WASF3: variants seen among roughly 807,000 people sequenced by gnomAD.
WASF3 encodes WASP family member 3.
In WASF3, 11 loss-of-function variants were observed where a neutral mutation model predicts 46.6. The observed-to-expected ratio is 0.24, with a 90% CI of 0.15 to 0.39. The LOEUF (loss-of-function observed/expected upper bound fraction) is 0.39, where lower values mean the gene tolerates loss of function less well. Ranked by LOEUF, WASF3 falls within the 10% of genes least tolerant of loss-of-function variation. The pLI is 1.00. For synonymous variants in WASF3, 242 were observed against 259.7 expected (o/e 0.93, Z 0.65); for missense variants, 576 against 669.8 (o/e 0.86, Z 1.55).
chr13:26,632,998 C>G (rs1469334372), intron 2 of WASF3, among the ~76,000 whole-genome samples: 2 of 151,908 alleles, frequency 1.3e-5, no homozygotes, highest in Non-Finnish European at 2.9e-5. Context: ...AGTTTGTATT[C>G]CTGTGGGATT....
At chr13:26,637,381 G>A (rs901141757) in intron 2 of WASF3, among the ~76,000 whole-genome samples, 1 of 152,072 alleles carries the variant, frequency 6.6e-6, no homozygotes, top group African/African-American at 2.4e-5. Flanking sequence ...TTCTCTCTTA[G>A]GGCCCAGACC....
intron 3 of WASF3, among the ~76,000 whole-genome samples, chr13:26,659,160 C>T (rs1882551128): frequency 6.6e-6 from 1 of 152,180 alleles, no homozygotes; most frequent in South Asian, 2.1e-4. Flanking sequence ...GGCATTTAGC[C>T]AGGGCTGCTA....
chr13:26,641,964 T>C (rs1291986814), intron 2 of WASF3: 2 of 168,830 alleles, frequency 1.2e-5, no homozygotes, highest in Non-Finnish European at 2.5e-5. Context: ...TCTCTTGCTC[T>C]TGATACATGT....
chr13:26,594,596 C>T (rs1224886582), intron 1 of WASF3, among the ~76,000 whole-genome samples: 2 of 152,254 alleles, frequency 1.3e-5, no homozygotes, highest in African/African-American at 4.8e-5. Flanking sequence ...TCACTTTCCC[C>T]GTGTACATCA....
intron 1 of WASF3, among the ~76,000 whole-genome samples, chr13:26,566,119 A>G (rs1350757983): frequency 1.3e-5 from 2 of 152,248 alleles, no homozygotes; most frequent in East Asian, 3.8e-4. Flanking sequence ...GATGATTGTC[A>G]AATTTCATTT....
At chr13:26,554,030 TTTC>T (rs1566032298), upstream of WASF3, among the ~76,000 whole-genome samples, 2 of 73,256 alleles carry the variant, frequency 2.7e-5, no homozygotes, top group African/African-American at 1.2e-4. Context: ...TCCTTCCTTC[TTTC>T]TCTTTCTTTC....
At chr13:26,635,739 G>T (rs1202187357) in intron 2 of WASF3, among the ~76,000 whole-genome samples, 1 of 152,192 alleles carries the variant, frequency 6.6e-6, no homozygotes, top group Admixed American at 6.5e-5. Context: ...CCTTTTAACA[G>T]TCAGGTCCCT....
intron 1 of WASF3, among the ~76,000 whole-genome samples, chr13:26,611,140 G>C (rs1880966337): frequency 6.7e-6 from 1 of 150,254 alleles, no homozygotes; most frequent in Non-Finnish European, 1.5e-5. Flanking sequence ...AGAGTGCTGA[G>C]ATTACAGGTG....
At chr13:26,578,798 T>C (rs1310720547) in intron 1 of WASF3, among the ~76,000 whole-genome samples, 2 of 152,020 alleles carry the variant, frequency 1.3e-5, no homozygotes, top group Non-Finnish European at 2.9e-5. Context: ...GTGTCTCCAT[T>C]GAGACACACA....
chr13:26,666,926 C>T (rs990420329), intron 4 of WASF3, among the ~76,000 whole-genome samples: 5 of 140,960 alleles, frequency 3.5e-5, no homozygotes, highest in South Asian at 4.7e-4. Context: ...AAGTGCTGTA[C>T]AAGCACAAGA....
chr13:26,611,248 TG>T (rs780243245), intron 1 of WASF3, among the ~76,000 whole-genome samples: 13 of 152,150 alleles, frequency 8.5e-5, no homozygotes, highest in Non-Finnish European at 5.9e-5. Context: ...ACTCACTTTT[TG>T]ATCCTAATTT....
chr13:26,607,925 C>T (rs770087279), intron 1 of WASF3, among the ~76,000 whole-genome samples: 7 of 152,254 alleles, frequency 4.6e-5, no homozygotes, highest in South Asian at 4.1e-4. Flanking sequence ...CATGAGCCAC[C>T]GTACCCAGCT....
upstream of WASF3, among the ~76,000 whole-genome samples, chr13:26,555,022 T>C (rs1390918163): frequency 1.3e-5 from 2 of 152,220 alleles, no homozygotes; most frequent in African/African-American, 4.8e-5. Flanking sequence ...ATTCCTGTTG[T>C]TTTGTATCCT....
intron 1 of WASF3, among the ~76,000 whole-genome samples, chr13:26,611,524 G>T (rs1277840483): frequency 6.6e-6 from 1 of 152,134 alleles, no homozygotes; most frequent in East Asian, 1.9e-4. Flanking sequence ...GGCATAGTTA[G>T]CTGGATATAA....
chr13:26,682,698 TTCG>T lies in WASF3; in HGVS notation c.1078_1080del (p.Val360del). On this transcript the variant is annotated inframe_deletion, in exon 9 of 10. Transcript: ENST00000335327. This position sits in a 1 kb window ranked among gnomAD's most constrained non-coding sequence, Gnocchi z 4.4. Reference sequence around the variant, plus strand: ...TGTGATTCCCTCAGCACAAACTGCCTTCGTCAGCCCTCTCCAGATGCCCATGCA... The same window carrying T: ...TGTGATTCCCTCAGCACAAACTGCCTTCAGCCCTCTCCAGATGCCCATGCA... 1 of 1,614,122 alleles carries T rather than the reference TTCG, an allele frequency of 6.2e-7. No individual in the cohort carries two copies. Among genetic ancestry groups the T allele is most frequent in the Non-Finnish European group, 8.5e-7 (1 of 1,180,034 alleles).
chr13:26,680,577 AT>A (rs1883196794), intron 7 of WASF3, among the ~76,000 whole-genome samples: 1 of 152,168 alleles, frequency 6.6e-6, no homozygotes, highest in Non-Finnish European at 1.5e-5. Flanking sequence ...GAAAAATATG[AT>A]TCACTCTACT....
chr13:26,544,843 C>A, the WASF3 span, among the ~76,000 whole-genome samples: 1 of 152,246 alleles, frequency 6.6e-6, no homozygotes, highest in Admixed American at 6.5e-5. Context: ...ATACTGTGGA[C>A]ATTCCAGAAA....
chr13:26,677,368 A>G (rs1883097839), intron 7 of WASF3, among the ~76,000 whole-genome samples: 1 of 152,242 alleles, frequency 6.6e-6, no homozygotes, highest in Non-Finnish European at 1.5e-5. Context: ...TGACTAGTCA[A>G]TTTTAACGTT....
At chr13:26,627,267 T>C (rs1371421473) in intron 2 of WASF3, among the ~76,000 whole-genome samples, 2 of 115,462 alleles carry the variant, frequency 1.7e-5, no homozygotes, top group East Asian at 2.2e-4. Context: ...TCTTATACTA[T>C]ACTTTTTTTT....
Sources: allele counts gnomAD v4.1 joint callset (sites outside exome capture counted in the v4.1 genomes callset), GRCh38; gene constraint gnomAD v4.1.1; non-coding constraint Gnocchi (gnomAD v3.1); transcripts MANE v1.5; gene names NCBI Gene and HGNC (gene_info 2026-07-23, HGNC 2026-07-21).